Variants in SEC14L6 observed in about 807,000 individuals in gnomAD.
SEC14L6 encodes SEC14-like protein 6.
In SEC14L6, 40 loss-of-function variants were observed where a neutral mutation model predicts 54.1. The ratio of observed to expected loss-of-function variants is 0.74; its 90% CI spans 0.57 to 0.96. The LOEUF (loss-of-function observed/expected upper bound fraction) is 0.96. Among genes scored for constraint, SEC14L6 ranks in the 40% least tolerant of loss-of-function variants. SEC14L6 has a pLI of 0.00. For synonymous variants in SEC14L6, 171 were observed against 198.4 expected, an observed-to-expected ratio of 0.86 and a Z score of 1.16; for missense variants, 471 against 498.3, an observed-to-expected ratio of 0.95 and a Z score of 0.52.
chr22:30,541,950 C>T (rs1601902500), intron 1 of SEC14L6, among the ~76,000 whole-genome samples: 1 of 152,220 alleles, frequency 6.6e-6, no homozygotes, highest in Non-Finnish European at 1.5e-5. Context: ...GTCAAGTTAC[C>T]AACACACAGC....
chr22:30,544,094 G>A (rs952039730), intron 1 of SEC14L6: 12 of 1,458,796 alleles, frequency 8.2e-6, no homozygotes, highest in Non-Finnish European at 1.1e-5. Context: ...ATGGGACCGT[G>A]GTTTGCTCTA....
At chr22:30,528,356 C>G (rs187122097) in intron 8 of SEC14L6, among the ~76,000 whole-genome samples, 1 of 150,722 alleles carries the variant, frequency 6.6e-6, no homozygotes, top group Non-Finnish European at 1.5e-5. Flanking sequence ...CTCCAGACCT[C>G]GTGATCCACC....
At chr22:30,533,005 A>T in intron 3 of SEC14L6, 149 bp from the exon 4 acceptor site, 1 of 1,486,936 alleles carries the variant, frequency 6.7e-7, no homozygotes, top group Admixed American at 2.3e-5. Context: ...GAACTGGGGG[A>T]TGGAAACAGG....
At chr22:30,527,659 G>A (rs1306538120) in intron 8 of SEC14L6, among the ~76,000 whole-genome samples, 1 of 142,870 alleles carries the variant, frequency 7.0e-6, no homozygotes, top group Non-Finnish European at 1.5e-5. Context: ...AGGCTGCAGT[G>A]AGCCAAGATC....
At chr22:30,538,696 C>T (rs912046606) in intron 2 of SEC14L6, 131 bp downstream of exon 2, 11 of 658,730 alleles carry the variant, frequency 1.7e-5, no homozygotes, top group Non-Finnish European at 2.3e-5. Context: ...ACAGAAATCA[C>T]GAGAGATAAT....
intron 2 of SEC14L6, among the ~76,000 whole-genome samples, chr22:30,536,782 T>C (rs2085606299): frequency 6.6e-6 from 1 of 152,058 alleles, no homozygotes; most frequent in Admixed American, 6.6e-5. Flanking sequence ...CCCAGCACTT[T>C]GGGAGGCTGA....
chr22:30,539,007 T>A, intron 1 of SEC14L6, 105 bp from the exon 2 acceptor site: 1 of 751,020 alleles, frequency 1.3e-6, no homozygotes, highest in Non-Finnish European at 2.3e-6. Flanking sequence ...GAGGTCCCAC[T>A]CGGGCTGGGA....
intron 6 of SEC14L6, among the ~76,000 whole-genome samples, 177 bp downstream of exon 6, chr22:30,531,726 A>C (rs1365972138): frequency 2.0e-5 from 3 of 151,636 alleles, no homozygotes; most frequent in Admixed American, 1.3e-4. Flanking sequence ...CTCCATTTCA[A>C]AAAAAAAGTA....
chr22:30,535,404 T>C lies in SEC14L6; in HGVS notation c.131-1365A>G, dbSNP rs535962345. Among the ~76,000 whole-genome samples the C allele has an allele frequency of 2.6e-3, 396 of 152,332 alleles. 2 individuals carry two copies. Among genetic ancestry groups the C allele is most frequent in the African/African-American group, 8.9e-3 (372 of 41,596 alleles). On this transcript the variant is annotated intron_variant, in intron 2 of 11. Coordinates refer to ENST00000402034, the MANE Select transcript of SEC14L6 (RefSeq NM_001193336.4). ...GTGGTTTCACTTGGTCCCCAGGGCC[T>C]TGGGGAGTAGTTCTCACATTGATTT...
rs558360563 is a variant in SEC14L6 at position 30,544,100 on chromosome 22, C to A, written c.54+2529G>T. 1,124 of 1,422,838 alleles carry A rather than the reference C, an allele frequency of 7.9e-4. 2 individuals carry two copies. The highest frequency in any genetic ancestry group is 1.1e-3 in the Admixed American group (65 of 58,414). 88.1% of individuals were successfully genotyped at this position (1,422,838 alleles called of 1,614,324 possible). Reference sequence around the variant, plus strand: ...AGGAAGTGAATGGGACCGTGGTTTGCTCTAGCACCCATCTCCATGCTCTTC... The same window carrying A: ...AGGAAGTGAATGGGACCGTGGTTTGATCTAGCACCCATCTCCATGCTCTTC... On this transcript the variant is annotated intron_variant, in intron 1 of 11. Transcript: ENST00000402034.
At position 30,532,128 on chromosome 22, in the gene SEC14L6, G is replaced by T. The variant is rs1195590451; in HGVS notation, c.424-130C>A. The stretch of plus-strand genomic sequence containing the variant: ...CTCTGCATGGCACAGAGATGGGGGA[G>T]GGAAGGGGCCATCCCACAGGATGCC... On this transcript the variant is annotated intron_variant, in intron 5 of 11. Coordinates refer to ENST00000402034, the MANE Select transcript of SEC14L6 (RefSeq NM_001193336.4). The T allele has an allele frequency of 3.5e-6, 5 of 1,444,420 alleles. No individual in the cohort carries two copies. In the African/African-American group the frequency reaches 7.2e-5, roughly 21 times the overall value. The allele number at this position is 1,444,420 out of a possible 1,614,324, so 89.5% of individuals were successfully genotyped here.
At position 30,532,568 on chromosome 22, in the gene SEC14L6, C is replaced by T. The variant is rs1265988045; in HGVS notation, c.380G>A (p.Ser127Asn). 4 of 1,550,430 alleles carry T rather than the reference C, an allele frequency of 2.6e-6. No individual in the cohort carries two copies. The African/African-American group carries it at 4.1e-5, about 16-fold the overall frequency. ...ACACTCCCGCAGGAGCAGCTCGCAG[C>T]TCCGGAAGCTGTCCCTGAGCAACTC... ...KQELLRDSFR[S>N]CELLLRECEL... is the part of the protein sequence containing the mutation. The change falls in exon 5 of 12, where the codon AGC becomes AAC. Residue 127 changes from serine to asparagine, a missense_variant. Physicochemically the swap from Ser to Asn is conservative, Grantham distance 46. Transcript: ENST00000402034.
intron 8 of SEC14L6, 109 bp from the exon 9 acceptor site, chr22:30,526,041 G>A (rs1291199486): frequency 1.9e-5 from 26 of 1,349,840 alleles, no homozygotes; most frequent in Admixed American, 3.9e-5. Flanking sequence ...CCTCCCTGGC[G>A]CGCTTTTGCC....
chr22:30,535,156 G>C (rs1219422690), intron 2 of SEC14L6, among the ~76,000 whole-genome samples: 1 of 152,116 alleles, frequency 6.6e-6, no homozygotes, highest in Non-Finnish European at 1.5e-5. Flanking sequence ...GATTTTCCAT[G>C]ATAAATGGGC....
At chr22:30,534,740 C>T (rs1033698973) in intron 2 of SEC14L6, among the ~76,000 whole-genome samples, 4 of 152,134 alleles carry the variant, frequency 2.6e-5, no homozygotes, top group Non-Finnish European at 5.9e-5. Flanking sequence ...AATCACCAAA[C>T]TCATCTGGGA....
At chr22:30,540,150 C>T (rs769321904) in intron 1 of SEC14L6, among the ~76,000 whole-genome samples, 3 of 152,144 alleles carry the variant, frequency 2.0e-5, no homozygotes, top group Non-Finnish European at 4.4e-5. Flanking sequence ...GAGGGTTTGG[C>T]CTTGGGCTAA....
rs1310998467 is a variant in SEC14L6 at position 30,532,520 on chromosome 22, C to T, written c.423+5G>A. On this transcript the variant is annotated splice_donor_5th_base_variant and intron_variant, in intron 5 of 11. Transcript: ENST00000402034. ...CTGCAGCTGCCCAGGGTGGCACCCA[C>T]ACACCTTCTGACTCTGCAGCTCACA... The T allele has an allele frequency of 6.5e-7, 1 of 1,545,592 alleles. No homozygotes were observed. The highest frequency in any genetic ancestry group is 8.7e-7 in the Non-Finnish European group (1 of 1,144,098).
intron 1 of SEC14L6, chr22:30,543,997 C>T: frequency 6.3e-7 from 1 of 1,599,486 alleles, no homozygotes; most frequent in Non-Finnish European, 8.6e-7. Flanking sequence ...GGACATGGTG[C>T]ACCTCAACCG....
chr22:30,544,138 G>GGAA, intron 1 of SEC14L6: 7 of 1,231,550 alleles, frequency 5.7e-6, no homozygotes, highest in Non-Finnish European at 6.9e-6. Flanking sequence ...TGTCCCACAA[G>GGAA]GAGCCGCCAT....
Sources: allele counts gnomAD v4.1 joint callset (sites outside exome capture counted in the v4.1 genomes callset), GRCh38; gene constraint gnomAD v4.1.1; transcripts MANE v1.5; gene names NCBI Gene and HGNC (gene_info 2026-07-23, HGNC 2026-07-21).